ASTN2: variants seen among roughly 807,000 people sequenced by gnomAD.
The protein encoded by ASTN2 is astrotactin 2, also known as astrotactin-2.
In ASTN2, 54 loss-of-function variants were observed where a neutral mutation model predicts 139.8. The observed-to-expected ratio is 0.39, with a 90% confidence interval of 0.31 to 0.48. ASTN2 has a LOEUF of 0.48. Ranked by LOEUF, ASTN2 falls within the 20% of genes least tolerant of loss-of-function variation. The pLI is 0.95. For missense variants in ASTN2, 1,565 were observed against 1,725.1 expected (o/e 0.91, Z 1.64); for synonymous variants, 756 against 719.5 (o/e 1.05, Z -0.81).
chr9:116,442,631 G>A (rs1347512411), intron 20 of ASTN2, 78 bp from the exon 21 acceptor site: 2 of 1,125,026 alleles, frequency 1.8e-6, no homozygotes, highest in East Asian at 2.3e-5. Flanking sequence ...AGAACAGAGA[G>A]TCATGGCACA....
chr9:117,220,551 G>A (rs1832479466), intron 2 of ASTN2, among the ~76,000 whole-genome samples: 2 of 152,128 alleles, frequency 1.3e-5, no homozygotes, highest in African/African-American at 4.8e-5. Context: ...ATAAGAACAG[G>A]AGTGGACACA....
chr9:117,077,222 C>T (rs1323705054), intron 5 of ASTN2, among the ~76,000 whole-genome samples: 1 of 152,126 alleles, frequency 6.6e-6, no homozygotes, highest in Non-Finnish European at 1.5e-5. Flanking sequence ...GGAAGGCCAA[C>T]TGCATTAGCA....
At chr9:117,056,689 C>T (rs1251694896) in intron 5 of ASTN2, among the ~76,000 whole-genome samples, 1 of 152,212 alleles carries the variant, frequency 6.6e-6, no homozygotes, top group African/African-American at 2.4e-5. Flanking sequence ...AGGCACCTCT[C>T]CCTGGAAGCC....
intron 5 of ASTN2, among the ~76,000 whole-genome samples, chr9:117,079,194 A>G (rs889166201): frequency 1.3e-5 from 2 of 152,188 alleles, no homozygotes; most frequent in Admixed American, 6.5e-5. Context: ...TGCCTCTACA[A>G]ATAATTAAAA....
At chr9:117,071,322 CG>C (rs1237222950) in intron 5 of ASTN2, among the ~76,000 whole-genome samples, 1 of 151,766 alleles carries the variant, frequency 6.6e-6, no homozygotes, top group Non-Finnish European at 1.5e-5. Context: ...TTAGGCTGCT[CG>C]GGGGTCAGGG....
At chr9:117,161,670 A>C (rs181259626) in intron 3 of ASTN2, among the ~76,000 whole-genome samples, 161 of 152,172 alleles carry the variant, frequency 1.1e-3, no homozygotes, top group Middle Eastern at 3.4e-3. Flanking sequence ...CTGGGATTAC[A>C]GGCATGAACC....
chr9:116,464,007 C>A (rs1368984392), intron 20 of ASTN2, among the ~76,000 whole-genome samples: 1 of 151,456 alleles, frequency 6.6e-6, no homozygotes, highest in Admixed American at 6.6e-5. Flanking sequence ...CTCGGCCTCC[C>A]AAAGTGCTGA....
chr9:116,726,735 G>A (rs1176155970), intron 15 of ASTN2, among the ~76,000 whole-genome samples: 1 of 152,056 alleles, frequency 6.6e-6, no homozygotes, highest in Admixed American at 6.5e-5. Context: ...CACTTAACAT[G>A]GGGCCTGCAC....
At chr9:116,912,168 C>A (rs1020720124) in intron 10 of ASTN2, among the ~76,000 whole-genome samples, 28 of 152,250 alleles carry the variant, frequency 1.8e-4, no homozygotes, top group African/African-American at 6.8e-4. Flanking sequence ...AGCTGCAAGG[C>A]AGCCTGGCAC....
At chr9:116,864,426 C>A (rs185726425) in intron 10 of ASTN2, among the ~76,000 whole-genome samples, 23 of 152,258 alleles carry the variant, frequency 1.5e-4, no homozygotes, top group Non-Finnish European at 1.5e-5. Flanking sequence ...CAGGGAAATA[C>A]GTGATTCCTC....
chr9:116,783,724 A>C (rs2132209492), intron 13 of ASTN2, among the ~76,000 whole-genome samples: 1 of 152,222 alleles, frequency 6.6e-6, no homozygotes, highest in East Asian at 1.9e-4. Flanking sequence ...CTACTGCCTA[A>C]ACTGTGTAGA....
chr9:116,547,132 C>A lies in ASTN2; in HGVS notation c.3356-59632G>T, dbSNP rs1158141203. ...ACTCCTCCACCTGAGTACTTAAGAA[C>A]CAAAGAGGTTTCCAGAGAAGACCAA... On this transcript the variant is annotated intron_variant, in intron 19 of 22. Coordinates refer to ENST00000313400, the MANE Select transcript of ASTN2 (RefSeq NM_001365068.1). Among the ~76,000 whole-genome samples, 3 of 152,158 alleles carry A rather than the reference C, an allele frequency of 2.0e-5. No individual in the cohort carries two copies. In the East Asian group the frequency reaches 5.8e-4, roughly 29 times the overall value.
rs1015864486 is a variant in ASTN2 at position 117,395,038 on chromosome 9, G to A, written c.442+19459C>T. Among the ~76,000 whole-genome samples, 9 of 152,136 alleles carry A rather than the reference G, an allele frequency of 5.9e-5. No homozygotes were observed. The East Asian group carries it at 1.4e-3, about 23-fold the overall frequency. On this transcript the variant is annotated intron_variant, in intron 1 of 22. Transcript: ENST00000313400. ...AGGAAGAGCTGCTACTGGATTACAAGACAGAAAGCTGTATGGGACCCTTAT... is the reference window on the plus strand; with the variant it reads ...AGGAAGAGCTGCTACTGGATTACAAAACAGAAAGCTGTATGGGACCCTTAT...
At chr9:116,916,790 C>T (rs1460927795) in intron 10 of ASTN2, among the ~76,000 whole-genome samples, 2 of 152,098 alleles carry the variant, frequency 1.3e-5, no homozygotes, top group African/African-American at 2.4e-5. Flanking sequence ...CAAGATTGTG[C>T]CACTGAACTC....
chr9:117,041,024 T>C (rs1156863506), intron 5 of ASTN2, among the ~76,000 whole-genome samples: 2 of 152,154 alleles, frequency 1.3e-5, no homozygotes, highest in African/African-American at 4.8e-5. Flanking sequence ...ACAAATTGTG[T>C]TACGACCTAG....
At chr9:116,530,150 T>TATATATATATAA (rs1851279812) in intron 19 of ASTN2, among the ~76,000 whole-genome samples, 1 of 21,086 alleles carries the variant, frequency 4.7e-5, no homozygotes, top group Non-Finnish European at 9.2e-5. Flanking sequence ...TATATATATA[T>TATATATATATAA]AAAATAGAAT....
At chr9:117,397,415 C>T (rs138574210) in intron 1 of ASTN2, among the ~76,000 whole-genome samples, 4 of 151,928 alleles carry the variant, frequency 2.6e-5, no homozygotes, top group East Asian at 1.9e-4. Context: ...AGGTCAGGTG[C>T]GACAACTATA....
At chr9:116,998,340 G>A (rs1339955603) in intron 7 of ASTN2, among the ~76,000 whole-genome samples, 1 of 152,094 alleles carries the variant, frequency 6.6e-6, no homozygotes, top group African/African-American at 2.4e-5. Context: ...CCTTATTTGA[G>A]TTCAGAAAAG....
chr9:116,676,901 T>A (rs565238682), intron 16 of ASTN2, among the ~76,000 whole-genome samples: 5 of 152,218 alleles, frequency 3.3e-5, no homozygotes, highest in Non-Finnish European at 5.9e-5. Context: ...TGAACTACCT[T>A]GTGGAAATTC....
Sources: gnomAD v4.1 joint callset for allele counts (sites outside exome capture counted in the v4.1 genomes callset) on GRCh38, gnomAD v4.1.1 for gene constraint, MANE v1.5 for transcripts, NCBI Gene and HGNC (gene_info 2026-07-23, HGNC 2026-07-21) for gene names.